The following C12orf42 variants were observed in gnomAD, a reference collection of about 807,000 sequenced individuals.
C12orf42 encodes uncharacterized protein C12orf42.
Under a neutral mutation model 21.6 loss-of-function variants are expected in C12orf42, and 25 were observed. That is an observed-to-expected ratio of 1.16 (90% confidence interval 0.84 to 1.62). The LOEUF (loss-of-function observed/expected upper bound fraction) is 1.62. Among genes scored for constraint, C12orf42 ranks in the 40% most tolerant of loss-of-function variants. C12orf42 has a pLI of 0.00. For synonymous variants in C12orf42, 174 were observed against 175.0 expected, an observed-to-expected ratio of 0.99 and a Z score of 0.05; for missense variants, 483 against 459.3, an observed-to-expected ratio of 1.05 and a Z score of -0.47.
the C12orf42 span, among the ~76,000 whole-genome samples, chr12:103,095,335 A>T: frequency 7.2e-5 from 11 of 151,854 alleles, no homozygotes; most frequent in Admixed American, 3.3e-4. Flanking sequence ...TTTATCTGCG[A>T]CCTCTTTTCC....
the C12orf42 span, among the ~76,000 whole-genome samples, chr12:103,232,091 C>T: frequency 6.6e-6 from 1 of 152,080 alleles, no homozygotes; most frequent in Non-Finnish European, 1.5e-5. Context: ...GCTCATTTGC[C>T]ACCTAGATAT....
intron 2 of C12orf42, among the ~76,000 whole-genome samples, chr12:103,459,529 G>A (rs1188806762): frequency 6.6e-6 from 1 of 152,096 alleles, no homozygotes; most frequent in African/African-American, 2.4e-5. Flanking sequence ...TGCCATGATT[G>A]TAAGCTTCCT....
chr12:103,500,604 T>C (rs1444113195), upstream of C12orf42, among the ~76,000 whole-genome samples: 1 of 152,154 alleles, frequency 6.6e-6, no homozygotes, highest in Non-Finnish European at 1.5e-5. Flanking sequence ...TAGCCAAAAG[T>C]AAAAACTATA....
chr12:103,402,939 T>C (rs1389233587), intron 2 of C12orf42, among the ~76,000 whole-genome samples: 1 of 152,174 alleles, frequency 6.6e-6, no homozygotes, highest in Non-Finnish European at 1.5e-5. Flanking sequence ...CTGTGATGCA[T>C]TTGTACTGCC....
chr12:103,457,348 T>G (rs191832451), intron 2 of C12orf42, among the ~76,000 whole-genome samples: 1 of 152,172 alleles, frequency 6.6e-6, no homozygotes, highest in Non-Finnish European at 1.5e-5. Context: ...GGGTATACAC[T>G]GTGTTTCTCT....
At chr12:103,178,417 T>C in the C12orf42 span, 1 of 152,184 alleles carries the variant, frequency 6.6e-6, no homozygotes, top group Admixed American at 6.5e-5. Flanking sequence ...TTTGGGTCAA[T>C]TGTCTTTTCA....
the C12orf42 span, among the ~76,000 whole-genome samples, chr12:103,059,908 TG>T: frequency 6.6e-6 from 1 of 152,196 alleles, no homozygotes; most frequent in Admixed American, 6.5e-5. Flanking sequence ...GCATGCCCTT[TG>T]AAAACCGGCA....
At chr12:103,161,292 T>A in the C12orf42 span, among the ~76,000 whole-genome samples, 7 of 152,134 alleles carry the variant, frequency 4.6e-5, no homozygotes, top group South Asian at 4.1e-4. Flanking sequence ...TGAAAAAGTG[T>A]CCTTTTAAAG....
At chr12:103,220,946 T>C in the C12orf42 span, among the ~76,000 whole-genome samples, 2 of 152,214 alleles carry the variant, frequency 1.3e-5, no homozygotes, top group Non-Finnish European at 2.9e-5. Context: ...ATTTATCTCT[T>C]TTTATAAACT....
the C12orf42 span, among the ~76,000 whole-genome samples, chr12:103,229,218 C>T: frequency 1.3e-5 from 2 of 152,314 alleles, no homozygotes; most frequent in African/African-American, 4.8e-5. Flanking sequence ...TGCCTCTTCA[C>T]TTTTGTCTTA....
the C12orf42 span, among the ~76,000 whole-genome samples, chr12:103,080,224 G>A: frequency 6.6e-6 from 1 of 152,086 alleles, no homozygotes; most frequent in Non-Finnish European, 1.5e-5. Context: ...TATAAATTAC[G>A]GTATGGCGAG....
At chr12:103,253,650 T>A (rs2034416025) in intron 10 of C12orf42, among the ~76,000 whole-genome samples, 2 of 152,182 alleles carry the variant, frequency 1.3e-5, no homozygotes, top group African/African-American at 4.8e-5. Context: ...TTTTGCACAT[T>A]GATTTTGTAT....
rs570675718 is a variant in C12orf42, at chr12:103,478,508, G to GA, written c.-21-62dup. ...ACAATGATGCAATGATAATATTAGAGAAAAAAATGACATCTTTAAGAGCCA... is the reference window on the plus strand; with the variant it reads ...ACAATGATGCAATGATAATATTAGAGAAAAAAAATGACATCTTTAAGAGCCA... On this transcript the variant is annotated intron_variant, in intron 1 of 5. Coordinates refer to ENST00000548883, the MANE Select transcript of C12orf42 (RefSeq NM_198521.5). The GA allele has an allele frequency of 4.0e-4, 278 of 689,312 alleles. 2 individuals carry two copies. In the African/African-American group the frequency reaches 4.1e-3, roughly 10 times the overall value. The allele number at this position is 689,312 out of a possible 1,614,324, so 42.7% of individuals were successfully genotyped here.
At chr12:103,484,541 T>C (rs1339616029) in intron 1 of C12orf42, among the ~76,000 whole-genome samples, 1 of 152,152 alleles carries the variant, frequency 6.6e-6, no homozygotes, top group Non-Finnish European at 1.5e-5. Flanking sequence ...AAGTTCTTTG[T>C]AGATTCTGGA....
At position 103,364,334 on chromosome 12, in the gene C12orf42, A is replaced by G. The variant is rs1006509081; in HGVS notation, c.259+4553T>C. On this transcript the variant is annotated intron_variant, in intron 4 of 5. Coordinates refer to ENST00000548883, the MANE Select transcript of C12orf42 (RefSeq NM_198521.5). Reference sequence around the variant, plus strand: ...ACAACCCATAAAAATCTCTGGATACAGCAAATATGATGCAAGGAGGAAAGT... The same window carrying G: ...ACAACCCATAAAAATCTCTGGATACGGCAAATATGATGCAAGGAGGAAAGT... 4.3e-4 allele frequency among the ~76,000 whole-genome samples: 66 copies of G among 152,122 alleles called. 2 individuals carry two copies. Among genetic ancestry groups the G allele is most frequent in the Non-Finnish European group, 1.5e-5 (1 of 67,974 alleles).
At chr12:103,450,557 C>T (rs1951871559) in intron 2 of C12orf42, among the ~76,000 whole-genome samples, 1 of 152,166 alleles carries the variant, frequency 6.6e-6, no homozygotes, top group Non-Finnish European at 1.5e-5. Flanking sequence ...TCTATTGATG[C>T]ATTCACAGCA....
At chr12:103,145,758 T>C in the C12orf42 span, among the ~76,000 whole-genome samples, 22 of 152,294 alleles carry the variant, frequency 1.4e-4, no homozygotes, top group Admixed American at 1.1e-3. Context: ...GAATAAACTA[T>C]GGTACATCAA....
At position 103,404,038 on chromosome 12, in the gene C12orf42, T is replaced by G. The variant is rs181795162; in HGVS notation, c.79-2363A>C. On this transcript the variant is annotated intron_variant, in intron 2 of 5. Transcript: ENST00000548883. Reference sequence around the variant, plus strand: ...CCTGACCATCTATACAAAGCAGTCCTGAGATTTCTGTTCTCCAAACAACAA... The same window carrying G: ...CCTGACCATCTATACAAAGCAGTCCGGAGATTTCTGTTCTCCAAACAACAA... 2.2e-4 allele frequency among the ~76,000 whole-genome samples: 33 copies of G among 152,354 alleles called. No homozygotes were observed. In the East Asian group the frequency reaches 6.4e-3, roughly 29 times the overall value.
At chr12:103,405,408 G>T (rs1277633243) in intron 2 of C12orf42, among the ~76,000 whole-genome samples, 1 of 152,178 alleles carries the variant, frequency 6.6e-6, no homozygotes, top group Non-Finnish European at 1.5e-5. Flanking sequence ...TATGTGTGTG[G>T]AGGGGCATGT....
Sources: gnomAD v4.1 joint callset for allele counts (sites outside exome capture counted in the v4.1 genomes callset) on GRCh38, gnomAD v4.1.1 for gene constraint, MANE v1.5 for transcripts, NCBI Gene and HGNC (gene_info 2026-07-23, HGNC 2026-07-21) for gene names.